NTM: variants seen among roughly 807,000 people sequenced by gnomAD.
The protein encoded by NTM is IgLON family member 2.
In NTM, 13 loss-of-function variants were observed where a neutral mutation model predicts 42.1. The observed-to-expected ratio is 0.31, with a 90% CI of 0.20 to 0.49. NTM has a LOEUF of 0.49. Ranked by LOEUF, NTM falls within the 20% of genes least tolerant of loss-of-function variation. The pLI is 0.99. For missense variants in NTM, 373 were observed against 452.8 expected (o/e 0.82, Z 1.60); for synonymous variants, 187 against 179.2 (o/e 1.04, Z -0.35).
At chr11:132,012,703 T>C (rs949427163) in intron 2 of NTM, among the ~76,000 whole-genome samples, 2 of 152,158 alleles carry the variant, frequency 1.3e-5, no homozygotes, top group African/African-American at 4.8e-5. Context: ...ATTCATTTTT[T>C]AAAAAAGAGA....
intron 2 of NTM, among the ~76,000 whole-genome samples, chr11:131,971,487 A>G (rs2063521521): frequency 6.6e-6 from 1 of 152,154 alleles, no homozygotes; most frequent in African/African-American, 2.4e-5. Context: ...GATATTGAAG[A>G]TATGTGTCAG....
At chr11:131,648,520 T>C (rs1382307103) in intron 1 of NTM, among the ~76,000 whole-genome samples, 1 of 152,204 alleles carries the variant, frequency 6.6e-6, no homozygotes, top group East Asian at 1.9e-4. Flanking sequence ...ATTTTTTGAA[T>C]TTTAATAGTA....
At chr11:131,555,714 C>A (rs1188789056) in intron 1 of NTM, among the ~76,000 whole-genome samples, 1 of 152,182 alleles carries the variant, frequency 6.6e-6, no homozygotes, top group Non-Finnish European at 1.5e-5. Flanking sequence ...CTTGCTCAGG[C>A]AGGAATGGCC....
intron 7 of NTM, among the ~76,000 whole-genome samples, chr11:132,320,126 C>G (rs2095527182): frequency 6.6e-6 from 1 of 152,210 alleles, no homozygotes; most frequent in Non-Finnish European, 1.5e-5. Flanking sequence ...ACATCACCAT[C>G]ATCAAAGACC....
chr11:132,160,821 C>T (rs1052333660), intron 3 of NTM, among the ~76,000 whole-genome samples: 1 of 152,106 alleles, frequency 6.6e-6, no homozygotes, highest in Non-Finnish European at 1.5e-5. Flanking sequence ...GGATGGGGCA[C>T]CGCTGAGGGC....
intron 2 of NTM, among the ~76,000 whole-genome samples, chr11:132,082,373 A>G (rs1265024584): frequency 1.3e-5 from 2 of 152,212 alleles, no homozygotes; most frequent in Admixed American, 6.5e-5. Flanking sequence ...CATGAGTTGA[A>G]GAGGCAAGGC....
intron 2 of NTM, among the ~76,000 whole-genome samples, chr11:131,995,724 C>T (rs761121004): frequency 7.2e-5 from 11 of 152,022 alleles, no homozygotes; most frequent in Non-Finnish European, 1.0e-4. Flanking sequence ...ACCAAGACAA[C>T]GAATGAAGCC....
At chr11:131,720,100 C>T (rs1373118516) in intron 1 of NTM, among the ~76,000 whole-genome samples, 7 of 152,160 alleles carry the variant, frequency 4.6e-5, no homozygotes, top group Non-Finnish European at 1.0e-4. Flanking sequence ...AAACAGGCTA[C>T]AGATACTACT....
intron 7 of NTM, among the ~76,000 whole-genome samples, chr11:132,323,357 C>T (rs1592034272): frequency 1.7e-4 from 25 of 147,772 alleles, no homozygotes; most frequent in Non-Finnish European, 2.3e-4. Context: ...ACCACTGATC[C>T]CACAGAAATA....
chr11:131,877,321 G>A (rs2048686242), intron 1 of NTM, among the ~76,000 whole-genome samples: 1 of 152,184 alleles, frequency 6.6e-6, no homozygotes, highest in Non-Finnish European at 1.5e-5. Context: ...TCCCCACGTT[G>A]GCTTTTCTCG....
At chr11:131,863,660 C>T (rs7927933) in intron 1 of NTM, among the ~76,000 whole-genome samples, 5,357 of 152,272 alleles carry the variant, frequency 0.035, 318 homozygotes, top group African/African-American at 0.12. Flanking sequence ...AAGCTGAATA[C>T]TGTCCTGTCT....
At chr11:131,984,250 C>T (rs928204376) in intron 2 of NTM, among the ~76,000 whole-genome samples, 10 of 152,206 alleles carry the variant, frequency 6.6e-5, no homozygotes, top group African/African-American at 2.2e-4. Context: ...CATGATCAGC[C>T]ATGGCTGTTT....
At chr11:132,131,035 C>T (rs1401360550) in intron 2 of NTM, among the ~76,000 whole-genome samples, 1 of 152,164 alleles carries the variant, frequency 6.6e-6, no homozygotes, top group African/African-American at 2.4e-5. Context: ...CTGTCATGTG[C>T]AAGGAAAGTT....
chr11:132,086,104 C>T (rs1373905977), intron 2 of NTM, among the ~76,000 whole-genome samples: 1 of 152,078 alleles, frequency 6.6e-6, no homozygotes, highest in South Asian at 2.1e-4. Context: ...GTGGGTGGAT[C>T]ACGAGGTCAG....
chr11:132,031,904 A>G (rs1274896791), intron 2 of NTM, among the ~76,000 whole-genome samples: 1 of 152,174 alleles, frequency 6.6e-6, no homozygotes, highest in Non-Finnish European at 1.5e-5. Context: ...CCAAAATGAC[A>G]TGCTCAAAGG....
chr11:132,330,887 T>G (rs901435004), intron 8 of NTM, among the ~76,000 whole-genome samples: 11 of 152,226 alleles, frequency 7.2e-5, no homozygotes, highest in African/African-American at 2.7e-4. Context: ...ACTAGGCAGA[T>G]GGGCTGAGCT....
chr11:131,942,746 G>A (rs1214074328), intron 2 of NTM, among the ~76,000 whole-genome samples: 5 of 152,002 alleles, frequency 3.3e-5, no homozygotes, highest in Admixed American at 6.6e-5. Context: ...AGGAGTTTGA[G>A]ACCAGCCTGG....
intron 1 of NTM, among the ~76,000 whole-genome samples, chr11:131,868,706 C>T (rs1302901341): frequency 6.6e-6 from 1 of 152,178 alleles, no homozygotes; most frequent in African/African-American, 2.4e-5. Flanking sequence ...TTGTCCTCGT[C>T]GTATTTTATT....
Position 131,924,154 on chromosome 11 carries a change from G to A in NTM, c.167+12506G>A, listed in dbSNP as rs76401850. On this transcript the variant is annotated intron_variant, in intron 2 of 8. Transcript: ENST00000683400. ...AGTGCAGGGCACGGAGCTGGGGGCC[G>A]TGGCTGACACTGGTGCACACTCTAC... Among the ~76,000 whole-genome samples the A allele has an allele frequency of 2.9e-3, 439 of 152,322 alleles. 1 individual carries two copies. Among genetic ancestry groups the A allele is most frequent in the African/African-American group, 1.0e-2 (414 of 41,568 alleles).
Sources: allele counts gnomAD v4.1 joint callset (sites outside exome capture counted in the v4.1 genomes callset), GRCh38; gene constraint gnomAD v4.1.1; transcripts MANE v1.5; gene names NCBI Gene and HGNC (gene_info 2026-07-23, HGNC 2026-07-21).